NLRP4: variants seen among roughly 807,000 people sequenced by gnomAD.
NLRP4 encodes NLR family pyrin domain containing 4, also known as NACHT, LRR and PYD domains-containing protein 4.
Under a neutral mutation model 84.7 loss-of-function variants are expected in NLRP4, and 44 were observed. The ratio of observed to expected loss-of-function variants is 0.52; its 90% CI spans 0.41 to 0.67. The LOEUF (loss-of-function observed/expected upper bound fraction) is 0.67. NLRP4 is among the 30% of genes least tolerant of loss of function. NLRP4 has a pLI of 0.00. For missense variants in NLRP4, 1,260 were observed against 1,219.4 expected (o/e 1.03, Z -0.50); for synonymous variants, 544 against 476.4 (o/e 1.14, Z -1.85).
Position 55,878,897 on chromosome 19 carries a change from G to T in NLRP4, c.2800G>T (p.Asp934Tyr). ...QQLNLTLNTL[D>Y]HTGVVVLCEA... Reference sequence around the variant, plus strand: ...GCTCAACCTGACCTTGAACACCTTGGACCACACAGGGGTGGTTGTACTCTG... The same window carrying T: ...GCTCAACCTGACCTTGAACACCTTGTACCACACAGGGGTGGTTGTACTCTG... Residue 934 changes from aspartate (D) to tyrosine (Y), a missense_variant, in exon 9 of 10, where the codon GAC becomes TAC. Physicochemically the swap from Asp to Tyr is radical, Grantham distance 160. This residue lies in a region of NLRP4 where 544 missense variants were observed against 531.7 expected (regional missense o/e 1.02). Transcript: ENST00000301295. 1 of 1,613,946 alleles carries T rather than the reference G, an allele frequency of 6.2e-7. No homozygotes were observed. The highest frequency in any genetic ancestry group is 1.1e-5 in the South Asian group (1 of 91,064).
intron 8 of NLRP4, among the ~76,000 whole-genome samples, chr19:55,877,703 C>T (rs140929578): frequency 8.3e-4 from 126 of 152,202 alleles, no homozygotes; most frequent in African/African-American, 2.9e-3. Context: ...CTGCTTCAGG[C>T]CCTTCTTGTC....
At chr19:55,853,847 GTCTTTCTCTC>G (rs1984284420) in intron 2 of NLRP4, among the ~76,000 whole-genome samples, 3 of 135,354 alleles carry the variant, frequency 2.2e-5, no homozygotes, top group East Asian at 2.1e-4. Flanking sequence ...CTCTCGTTCT[GTCTTTCTCTC>G]TCTTCCTCTC....
At chr19:55,843,142 G>A (rs1983675917) in intron 1 of NLRP4, among the ~76,000 whole-genome samples, 1 of 152,200 alleles carries the variant, frequency 6.6e-6, no homozygotes, top group South Asian at 2.1e-4. Flanking sequence ...TGCTTCTTTA[G>A]TTTCTTCTTT....
Position 55,878,826 on chromosome 19 carries a change from G to A in NLRP4, c.2729G>A (p.Cys910Tyr), listed in dbSNP as rs1360548661. Reference sequence around the variant, plus strand: ...GAATGTGGGTTAACGAGCACCTGCTGTAAGGATCTCGCGTCTGTTCTCACC... The same window carrying A: ...GAATGTGGGTTAACGAGCACCTGCTATAAGGATCTCGCGTCTGTTCTCACC... ...LEECGLTSTC[C>Y]KDLASVLTCS... The change falls in exon 9 of 10, where the codon TGT becomes TAT. Residue 910 changes from cysteine to tyrosine, a missense_variant. Around this residue, in one of 3 missense-constraint regions of NLRP4, gnomAD observed 544 missense variants for 531.7 expected, o/e 1.02. Coordinates refer to ENST00000301295, the MANE Select transcript of NLRP4 (RefSeq NM_134444.5). 1.2e-6 allele frequency: 2 copies of A among 1,613,346 alleles called. No homozygotes were observed. Among genetic ancestry groups the A allele is most frequent in the Non-Finnish European group, 1.7e-6 (2 of 1,179,610 alleles).
At position 55,859,144 on chromosome 19, in the gene NLRP4, T is replaced by C; in HGVS notation, c.1751T>C (p.Val584Ala). ...GCTAACTTTCATATTATTGACAACG[T>C]GGACTTGGTGGTTTCTGCCTACTGC... ...QEANFHIIDN[V>A]DLVVSAYCLK... The change falls in exon 3 of 10, where the codon GTG becomes GCG. Residue 584 changes from valine to alanine, a missense_variant. Val to Ala is a moderately conservative substitution (Grantham distance 64, BLOSUM62 0). Transcript: ENST00000301295. The C allele has an allele frequency of 6.2e-7, 1 of 1,613,938 alleles. No homozygotes were observed. Among genetic ancestry groups the C allele is most frequent in the African/African-American group, 1.3e-5 (1 of 75,040 alleles).
intron 1 of NLRP4, among the ~76,000 whole-genome samples, chr19:55,845,782 G>A (rs1983771268): frequency 6.7e-6 from 1 of 150,278 alleles, no homozygotes; most frequent in South Asian, 2.1e-4. Flanking sequence ...GGCCAGTGAT[G>A]ATGAGCATTT....
chr19:55,852,056 G>T lies in NLRP4; in HGVS notation c.-25G>T. On this transcript the variant is annotated 5_prime_UTR_variant, in exon 2 of 10. Transcript: ENST00000301295. ...TGTTCCTGGTCACTGTCTCTTTGAG[G>T]ATTGGTATCTCTGCTCCAGAAAAGA... 1.9e-6 allele frequency: 3 copies of T among 1,565,856 alleles called. No individual in the cohort carries two copies. The highest frequency in any genetic ancestry group is 2.6e-6 in the Non-Finnish European group (3 of 1,157,926).
intron 1 of NLRP4, among the ~76,000 whole-genome samples, chr19:55,851,630 C>A (rs1600224828): frequency 6.1e-5 from 6 of 98,336 alleles, no homozygotes; most frequent in African/African-American, 1.5e-4. Context: ...GGTGTAATGT[C>A]CGAGGCTGCG....
intron 9 of NLRP4, among the ~76,000 whole-genome samples, chr19:55,880,195 G>T (rs1985535071): frequency 6.6e-6 from 1 of 151,842 alleles, no homozygotes; most frequent in Admixed American, 6.6e-5. Flanking sequence ...ATTTTGTGAA[G>T]ATACAGGTTT....
rs185663321 is a variant in NLRP4, at chr19:55,871,058, G to C, written c.2525+61G>C. ...TCTTTTCAAGGGCATGCACTGCTGA[G>C]AATGGGGCATCTGGAATTGAGGAAG... On this transcript the variant is annotated intron_variant, in intron 7 of 9. Coordinates refer to ENST00000301295, the MANE Select transcript of NLRP4 (RefSeq NM_134444.5). The C allele has an allele frequency of 3.7e-4, 528 of 1,429,450 alleles. 2 individuals are homozygous for C. The African/African-American group carries it at 6.9e-3, about 19-fold the overall frequency. 88.5% of individuals were successfully genotyped at this position (1,429,450 alleles called of 1,614,324 possible).
At chr19:55,881,211 A>G (rs177351) in intron 9 of NLRP4, among the ~76,000 whole-genome samples, 99,281 of 150,882 alleles carry the variant, frequency 0.66, 33,099 homozygotes, top group East Asian at 0.83. Context: ...TGGGCAGCTC[A>G]AAATTGGCCA....
chr19:55,879,974 A>C (rs2123074789), intron 9 of NLRP4, among the ~76,000 whole-genome samples: 1 of 152,118 alleles, frequency 6.6e-6, no homozygotes, highest in South Asian at 2.1e-4. Context: ...ATTTATAATT[A>C]CATATAATCC....
intron 1 of NLRP4, among the ~76,000 whole-genome samples, chr19:55,849,894 C>CCA (rs1983963581): frequency 6.4e-5 from 1 of 15,692 alleles, no homozygotes; most frequent in African/African-American, 2.0e-4. Context: ...ATTTCCGTGG[C>CCA]CGGCGGTGTA....
intron 7 of NLRP4, among the ~76,000 whole-genome samples, chr19:55,873,553 G>T (rs1437738723): frequency 6.6e-6 from 1 of 152,132 alleles, no homozygotes; most frequent in African/African-American, 2.4e-5. Flanking sequence ...ACGTGAGGTT[G>T]TGGTTGTACA....
chr19:55,854,712 C>T (rs79922326), intron 2 of NLRP4, among the ~76,000 whole-genome samples: 6,424 of 152,148 alleles, frequency 0.042, 196 homozygotes, highest in East Asian at 0.092. Context: ...GAAAAAACCC[C>T]TCCCAGTCCA....
chr19:55,849,911 G>GTGGCCACGGTGTAATGTCCA (rs1568658059), intron 1 of NLRP4, among the ~76,000 whole-genome samples: 5 of 135,484 alleles, frequency 3.7e-5, no homozygotes, highest in Non-Finnish European at 6.1e-5. Flanking sequence ...TGTAATTTCC[G>GTGGCCACGGTGTAATGTCCA]TAGCCGCGGT....
rs148870469 is a variant in NLRP4 at position 55,848,135 on chromosome 19, C to T, written c.-65-3881C>T. Among the ~76,000 whole-genome samples the T allele has an allele frequency of 2.1e-4, 32 of 152,228 alleles. No individual in the cohort carries two copies. In the Middle Eastern group the frequency reaches 0.02, roughly 97 times the overall value. ...TCAGGATTTCCTTGTTTTCAGTGAT[C>T]TTGAACGTTTTGAGAAGCACTGGTC... On this transcript the variant is annotated intron_variant, in intron 1 of 9. Transcript: ENST00000301295.
At chr19:55,856,653 C>T (rs541030719) in intron 2 of NLRP4, among the ~76,000 whole-genome samples, 202 of 150,834 alleles carry the variant, frequency 1.3e-3, no homozygotes, top group African/African-American at 3.3e-3. Flanking sequence ...GTAGCTGGGA[C>T]TACAGGCACA....
At position 55,852,168 on chromosome 19, in the gene NLRP4, C is replaced by A; in HGVS notation, c.88C>A (p.Leu30Ile). 1 of 1,608,924 alleles carries A rather than the reference C, an allele frequency of 6.2e-7. No individual in the cohort carries two copies. Among genetic ancestry groups the A allele is most frequent in the South Asian group, 1.1e-5 (1 of 89,704 alleles). Residue 30 changes from leucine (L) to isoleucine (I), a missense_variant, in exon 2 of 10, where the codon CTC (leucine) becomes ATC (isoleucine). Around this residue, in one of 3 missense-constraint regions of NLRP4, gnomAD observed 712 missense variants for 669.2 expected, o/e 1.06. Transcript: ENST00000301295. Reference protein sequence around the residue: ...KEEFRKFKEHLKQMTLQLELK... With the variant: ...KEEFRKFKEHIKQMTLQLELK... ...GGAGTTCAGGAAATTTAAAGAACAT[C>A]TCAAGCAAATGACTTTGCAGCTTGA...
Sources: allele counts gnomAD v4.1 joint callset (sites outside exome capture counted in the v4.1 genomes callset), GRCh38; gene constraint gnomAD v4.1.1; regional missense constraint gnomAD v4.1.1; transcripts MANE v1.5; gene names NCBI Gene and HGNC (gene_info 2026-07-23, HGNC 2026-07-21).